MSRA: variants seen among roughly 807,000 people sequenced by gnomAD.
The protein encoded by MSRA is methionine sulfoxide reductase A, also known as mitochondrial peptide methionine sulfoxide reductase.
Under a neutral mutation model 31.3 loss-of-function variants are expected in MSRA, and 54 were observed. The ratio of observed to expected loss-of-function variants is 1.73; its 90% CI spans 1.39 to 2.17. MSRA has a LOEUF of 2.17. Ranked by LOEUF, MSRA falls within the 30% of genes most tolerant of loss-of-function variation. MSRA has a pLI of 0.00. For missense variants in MSRA, 507 were observed against 300.9 expected (o/e 1.69, Z -5.07); for synonymous variants, 169 against 116.5 (o/e 1.45, Z -2.90).
At chr8:10,093,052 AC>A (rs1459306682) in intron 1 of MSRA, among the ~76,000 whole-genome samples, 1 of 152,064 alleles carries the variant, frequency 6.6e-6, no homozygotes, top group African/African-American at 2.4e-5. Context: ...ACATAGTTTT[AC>A]TTTGAACCTT....
chr8:10,080,675 G>C (rs371631083), intron 1 of MSRA, among the ~76,000 whole-genome samples: 1 of 148,394 alleles, frequency 6.7e-6, no homozygotes. Flanking sequence ...GCAGGCATGC[G>C]TTACCATGCC....
At chr8:10,318,480 T>A (rs1801853285) in intron 4 of MSRA, among the ~76,000 whole-genome samples, 1 of 152,188 alleles carries the variant, frequency 6.6e-6, no homozygotes, top group Non-Finnish European at 1.5e-5. Context: ...CACACACGAA[T>A]TCTTTCTGCT....
At chr8:10,100,277 G>A (rs1042640741) in intron 1 of MSRA, among the ~76,000 whole-genome samples, 1 of 152,158 alleles carries the variant, frequency 6.6e-6, no homozygotes, top group Non-Finnish European at 1.5e-5. Flanking sequence ...GCCCAGGAGA[G>A]GGAGAGGCAG....
intron 3 of MSRA, among the ~76,000 whole-genome samples, chr8:10,257,955 C>G (rs560150055): frequency 6.6e-6 from 1 of 152,164 alleles, no homozygotes; most frequent in African/African-American, 2.4e-5. Context: ...CACACACACA[C>G]GTTGATGGCC....
chr8:10,138,182 A>G (rs2129029526), intron 1 of MSRA, among the ~76,000 whole-genome samples: 1 of 152,330 alleles, frequency 6.6e-6, no homozygotes, highest in East Asian at 1.9e-4. Flanking sequence ...ACTGGGATGT[A>G]TCCCTGTGCA....
intron 3 of MSRA, among the ~76,000 whole-genome samples, chr8:10,269,679 C>G (rs1798928616): frequency 6.6e-6 from 1 of 151,998 alleles, no homozygotes; most frequent in African/African-American, 2.4e-5. Context: ...GAGACAGAGT[C>G]TGGCTCTCTC....
At chr8:10,104,552 G>A (rs1316163619) in intron 1 of MSRA, among the ~76,000 whole-genome samples, 1 of 152,168 alleles carries the variant, frequency 6.6e-6, no homozygotes, top group Non-Finnish European at 1.5e-5. Context: ...CTGGTTGAAA[G>A]AATTATCCTC....
rs530188913 is a variant in MSRA, at chr8:10,162,549, C to T, written c.143-45284C>T. Among the ~76,000 whole-genome samples the T allele has an allele frequency of 2.0e-5, 3 of 152,228 alleles. No individual in the cohort carries two copies. In the South Asian group the frequency reaches 6.2e-4, roughly 32 times the overall value. ...AGTGGGGCAGGTGACGGGAGGAGGACTGGCGGCCGTCAGTGGGGGCTACCA... is the reference window on the plus strand; with the variant it reads ...AGTGGGGCAGGTGACGGGAGGAGGATTGGCGGCCGTCAGTGGGGGCTACCA... On this transcript the variant is annotated intron_variant, in intron 1 of 5. Transcript: ENST00000317173.
At chr8:10,102,416 T>C (rs938903902) in intron 1 of MSRA, among the ~76,000 whole-genome samples, 2 of 152,242 alleles carry the variant, frequency 1.3e-5, no homozygotes, top group Admixed American at 6.5e-5. Flanking sequence ...TTCATTCTGC[T>C]GTTTAGCTCA....
chr8:10,161,094 A>G (rs1804600475), intron 1 of MSRA, among the ~76,000 whole-genome samples: 2 of 152,236 alleles, frequency 1.3e-5, no homozygotes, highest in Non-Finnish European at 2.9e-5. Flanking sequence ...AATATTATCA[A>G]GCTTCCAGAT....
chr8:10,427,132 C>CA (rs1809224819), intron 5 of MSRA, among the ~76,000 whole-genome samples: 1 of 152,178 alleles, frequency 6.6e-6, no homozygotes, highest in Admixed American at 6.5e-5. Context: ...AGTGGACAGT[C>CA]AGAGTGTGGT....
rs139421344 is a variant in MSRA, at chr8:10,316,527, C to CCTCTCTCT, written c.437-3316_437-3309dup. 9.7e-3 allele frequency among the ~76,000 whole-genome samples: 1,096 copies of CCTCTCTCT among 112,518 alleles called. 71 individuals are homozygous for CCTCTCTCT. The highest frequency in any genetic ancestry group is 0.011 in the Non-Finnish European group (588 of 51,770). 73.8% of individuals were successfully genotyped at this position (112,518 alleles called of 152,430 possible). On this transcript the variant is annotated intron_variant, in intron 4 of 5. Coordinates refer to ENST00000317173, the MANE Select transcript of MSRA (RefSeq NM_012331.5). ...AGGATTGTTAGCTACTTTGATGATC[C>CCTCTCTCT]CTCTCTCTCTCTCTCTCTCTCTCTC...
intron 5 of MSRA, among the ~76,000 whole-genome samples, chr8:10,323,252 C>G (rs1000408655): frequency 1.3e-5 from 2 of 152,140 alleles, no homozygotes; most frequent in African/African-American, 4.8e-5. Context: ...TCAATTGTTT[C>G]ATCCCACTGT....
chr8:10,408,794 C>T (rs1335642881), intron 5 of MSRA, among the ~76,000 whole-genome samples: 1 of 144,734 alleles, frequency 6.9e-6, no homozygotes, highest in East Asian at 2.3e-4. Context: ...ATTTAGCTCC[C>T]ATCCGTAAGA....
chr8:10,180,250 G>A (rs1015401970), intron 1 of MSRA, among the ~76,000 whole-genome samples: 2 of 152,132 alleles, frequency 1.3e-5, no homozygotes, highest in South Asian at 2.1e-4. Flanking sequence ...TATATTTACT[G>A]GTTTATTGTA....
At chr8:10,121,312 C>T (rs878861468) in intron 1 of MSRA, among the ~76,000 whole-genome samples, 1 of 152,134 alleles carries the variant, frequency 6.6e-6, no homozygotes, top group Admixed American at 6.6e-5. Flanking sequence ...CTGGCTAGGG[C>T]CTGGAGAAGG....
At chr8:10,275,739 T>C (rs1799287123) in intron 3 of MSRA, among the ~76,000 whole-genome samples, 1 of 152,104 alleles carries the variant, frequency 6.6e-6, no homozygotes, top group Non-Finnish European at 1.5e-5. Context: ...CTGTCACTTA[T>C]AAGCTGTGTG....
At chr8:10,349,339 G>A (rs1045393776) in intron 5 of MSRA, among the ~76,000 whole-genome samples, 6 of 152,130 alleles carry the variant, frequency 3.9e-5, no homozygotes, top group Non-Finnish European at 7.3e-5. Flanking sequence ...CTGCTCCGCC[G>A]TGCTCTTCCC....
intron 2 of MSRA, among the ~76,000 whole-genome samples, chr8:10,233,612 G>A (rs2129074436): frequency 6.6e-6 from 1 of 152,346 alleles, no homozygotes; most frequent in East Asian, 1.9e-4. Context: ...TAATGTTTTA[G>A]TGAATAGTTC....
Sources: allele counts gnomAD v4.1 joint callset (sites outside exome capture counted in the v4.1 genomes callset), GRCh38; gene constraint gnomAD v4.1.1; transcripts MANE v1.5; gene names NCBI Gene and HGNC (gene_info 2026-07-23, HGNC 2026-07-21).